Variants in ZDHHC11 observed in about 807,000 individuals in gnomAD.
ZDHHC11 encodes zDHHC palmitoyltransferase 11, also known as palmitoyltransferase ZDHHC11.
Under a neutral mutation model 51.3 loss-of-function variants are expected in ZDHHC11, and 44 were observed. That is an observed-to-expected ratio of 0.86 (90% CI 0.67 to 1.10). The LOEUF is 1.10. Among genes scored for constraint, ZDHHC11 ranks in the 50% least tolerant of loss-of-function variants. The probability of loss-of-function intolerance (pLI) is 0.00; values close to 1 mark genes in which losing one functional copy is unlikely to be tolerated. For missense variants in ZDHHC11, 400 were observed against 537.7 expected, an observed-to-expected ratio of 0.74 and a Z score of 2.53; for synonymous variants, 163 against 222.0, an observed-to-expected ratio of 0.73 and a Z score of 2.36.
At chr5:819,091 T>C (rs2150329441) in intron 10 of ZDHHC11, among the ~76,000 whole-genome samples, 1 of 151,576 alleles carries the variant, frequency 6.6e-6, no homozygotes, top group East Asian at 1.9e-4. Flanking sequence ...CAAACACATC[T>C]CTATTCCCAT....
intron 3 of ZDHHC11, among the ~76,000 whole-genome samples, chr5:844,245 G>T (rs1745728786): frequency 6.6e-6 from 1 of 152,288 alleles, no homozygotes; most frequent in Admixed American, 6.5e-5. Flanking sequence ...GGGTGGCCGT[G>T]GGACATTCCC....
chr5:818,834 C>T (rs1341056331), intron 10 of ZDHHC11, among the ~76,000 whole-genome samples: 2 of 151,412 alleles, frequency 1.3e-5, no homozygotes, highest in African/African-American at 2.4e-5. Flanking sequence ...ATAATCCATG[C>T]TGGGTGACAG....
At chr5:814,837 A>G (rs375781061) in intron 10 of ZDHHC11, 42 bp from the exon 11 acceptor site, 2 of 1,493,632 alleles carry the variant, frequency 1.3e-6, no homozygotes, top group Non-Finnish European at 1.8e-6. Flanking sequence ...ATGAACAAAG[A>G]CCTTGTTGAC....
At chr5:825,379 G>C in intron 7 of ZDHHC11, 128 bp from the exon 8 acceptor site, 1 of 927,530 alleles carries the variant, frequency 1.1e-6, no homozygotes, top group Non-Finnish European at 1.7e-6. Context: ...GAAACTTGTA[G>C]ACCAGCAGCT....
At chr5:840,774 C>G in intron 4 of ZDHHC11, 124 bp from the exon 5 acceptor site, 1 of 1,550,516 alleles carries the variant, frequency 6.4e-7, no homozygotes. Flanking sequence ...CGAGGGATGT[C>G]TCCCTGCCCA....
chr5:849,958 G>C (rs369613260), intron 1 of ZDHHC11, among the ~76,000 whole-genome samples: 2 of 152,100 alleles, frequency 1.3e-5, no homozygotes, highest in South Asian at 4.1e-4. Context: ...AGAGGCCCTC[G>C]CAGTGTGGCC....
chr5:809,496 G>C (rs563270316), intron 11 of ZDHHC11, among the ~76,000 whole-genome samples: 1 of 150,460 alleles, frequency 6.6e-6, no homozygotes, highest in African/African-American at 2.5e-5. Flanking sequence ...TCCCTGCCTT[G>C]TGAGGACAAG....
At position 835,278 on chromosome 5, in the gene ZDHHC11, C is replaced by G. The variant is rs1441304315; in HGVS notation, c.901-1471G>C. Among the ~76,000 whole-genome samples, 141 of 149,770 alleles carry G rather than the reference C, an allele frequency of 9.4e-4. 1 individual carries two copies. Among genetic ancestry groups the G allele is most frequent in the East Asian group, 3.1e-3 (15 of 4,888 alleles). On this transcript the variant is annotated intron_variant, in intron 6 of 12. Coordinates refer to ENST00000283441, the MANE Select transcript of ZDHHC11 (RefSeq NM_024786.3). ...CTTTTTTCTTTTCCATGTGGATATCCAATTGTTCTAGTACCACTTGTTGAA... is the reference window on the plus strand; with the variant it reads ...CTTTTTTCTTTTCCATGTGGATATCGAATTGTTCTAGTACCACTTGTTGAA...
At chr5:853,039 AC>A, upstream of ZDHHC11, among the ~76,000 whole-genome samples, 1 of 138,144 alleles carries the variant, frequency 7.2e-6, no homozygotes, top group East Asian at 2.3e-4. Flanking sequence ...GCGGGCACAG[AC>A]CCCACGGAGG....
upstream of ZDHHC11, among the ~76,000 whole-genome samples, chr5:854,652 C>G (rs1455539760): frequency 6.7e-6 from 1 of 149,804 alleles, no homozygotes; most frequent in Non-Finnish European, 1.5e-5. Flanking sequence ...ACAGACCCCA[C>G]AGAGGACAGT....
intron 8 of ZDHHC11, chr5:823,943 AGT>A (rs1741911307): frequency 2.4e-6 from 1 of 411,148 alleles, no homozygotes. Flanking sequence ...ATTTCCACCG[AGT>A]GTGTCTCCAA....
upstream of ZDHHC11, among the ~76,000 whole-genome samples, chr5:860,504 C>T (rs991274354): frequency 6.6e-6 from 1 of 152,092 alleles, no homozygotes; most frequent in Non-Finnish European, 1.5e-5. This position sits in a 1 kb window ranked among gnomAD's most constrained non-coding sequence, Gnocchi z 4.2. Flanking sequence ...ACCACCTGCA[C>T]ACCCAGTCTC....
At position 809,014 on chromosome 5, in the gene ZDHHC11, C is replaced by CACACACACACACACACACACACACAT. The variant is rs1554050773; in HGVS notation, c.1181+5746_1181+5747insATGTGTGTGTGTGTGTGTGTGTGTGT. Reference sequence around the variant, plus strand: ...ACACACACACACACACACACACACACGCACACTATTTATTCCCCACCTGTC... The same window carrying CACACACACACACACACACACACACAT: ...ACACACACACACACACACACACACACACACACACACACACACACACACACATGCACACTATTTATTCCCCACCTGTC... On this transcript the variant is annotated intron_variant, in intron 11 of 12. Coordinates refer to ENST00000283441, the MANE Select transcript of ZDHHC11 (RefSeq NM_024786.3). 7.9e-5 allele frequency among the ~76,000 whole-genome samples: 11 copies of CACACACACACACACACACACACACAT among 139,120 alleles called. No homozygotes were observed. In the East Asian group the frequency reaches 1.2e-3, roughly 16 times the overall value. The allele number at this position is 139,120 out of a possible 152,430, so 91.3% of individuals were successfully genotyped here.
At chr5:838,406 A>G (rs1462343957) in intron 5 of ZDHHC11, among the ~76,000 whole-genome samples, 1 of 152,016 alleles carries the variant, frequency 6.6e-6, no homozygotes, top group Non-Finnish European at 1.5e-5. Flanking sequence ...TCTTGTGACT[A>G]TTTCTGGAGA....
At chr5:831,527 G>A (rs1171130245) in intron 7 of ZDHHC11, among the ~76,000 whole-genome samples, 3 of 148,172 alleles carry the variant, frequency 2.0e-5, no homozygotes, top group African/African-American at 5.0e-5. Context: ...AGGCTTCAGC[G>A]AGCCAAGATC....
rs777704563 is a variant in ZDHHC11 at position 850,505 on chromosome 5, C to T, written c.98G>A (p.Gly33Asp). 4.3e-6 allele frequency: 7 copies of T among 1,613,758 alleles called. No homozygotes were observed. The Admixed American group carries it at 6.7e-5, about 15-fold the overall frequency. ...VLPPRISRVNGWSLPLHYFQV... is the reference protein window; with the variant it reads ...VLPPRISRVNDWSLPLHYFQV... ...GAAGTAGTGCAGGGGTAACGACCAG[C>T]CGTTCACTCTGGAGATGCGGGGCGG... The change falls in exon 1 of 13, where the codon GGC becomes GAC. Residue 33 changes from glycine (G) to aspartate (D), a missense_variant. Around this residue, in one of 5 missense-constraint regions of ZDHHC11, gnomAD observed 119 missense variants for 99.6 expected, o/e 1.20. Coordinates refer to ENST00000283441, the MANE Select transcript of ZDHHC11 (RefSeq NM_024786.3).
At chr5:796,910 A>T (rs7717721) in intron 12 of ZDHHC11, among the ~76,000 whole-genome samples, 23,181 of 146,602 alleles carry the variant, frequency 0.16, 445 homozygotes, top group East Asian at 0.34. Context: ...TAGATATTTT[A>T]AAAAATATTT....
At chr5:847,406 C>T (rs1746422665) in intron 3 of ZDHHC11, 108 bp downstream of exon 3, 2 of 1,483,584 alleles carry the variant, frequency 1.3e-6, no homozygotes, top group Non-Finnish European at 9.1e-7. Flanking sequence ...GACGCGGCCC[C>T]AAGAGGACCC....
chr5:847,438 C>T (rs1251085164), intron 3 of ZDHHC11, 76 bp downstream of exon 3: 2 of 1,550,614 alleles, frequency 1.3e-6, no homozygotes, highest in African/African-American at 3.1e-5. Context: ...AACACGATGA[C>T]CCCTGCCCAC....
Sources: allele counts gnomAD v4.1 joint callset (sites outside exome capture counted in the v4.1 genomes callset), GRCh38; gene constraint gnomAD v4.1.1; regional missense constraint gnomAD v4.1.1; non-coding constraint Gnocchi (gnomAD v3.1); transcripts MANE v1.5; gene names NCBI Gene and HGNC (gene_info 2026-07-23, HGNC 2026-07-21).